The following HPSE2 variants were observed in gnomAD, a reference collection of about 807,000 sequenced individuals.
HPSE2 encodes the protein inactive heparanase-2.
A neutral mutation model predicts 60.5 loss-of-function variants in HPSE2; 38 were observed. That is an observed-to-expected ratio of 0.63 (90% CI 0.48 to 0.82). The LOEUF (loss-of-function observed/expected upper bound fraction) is 0.82, where lower values mean the gene tolerates loss of function less well. Ranked by LOEUF, HPSE2 falls within the 40% of genes least tolerant of loss-of-function variation. The pLI is 0.00. For synonymous variants in HPSE2, 295 were observed against 293.2 expected, an observed-to-expected ratio of 1.01 and a Z score of -0.06; for missense variants, 713 against 740.4, an observed-to-expected ratio of 0.96 and a Z score of 0.43.
At chr10:99,203,391 G>A (rs12356214) in intron 2 of HPSE2, among the ~76,000 whole-genome samples, 74,927 of 151,814 alleles carry the variant, frequency 0.49, 21,661 homozygotes, top group Non-Finnish European at 0.64. Context: ...GCCAGTCCCT[G>A]TGGTCTCAGA....
chr10:98,660,382 T>C lies in HPSE2; in HGVS notation c.1005-18442A>G, dbSNP rs527770047. On this transcript the variant is annotated intron_variant, in intron 6 of 11. Coordinates refer to ENST00000370552, the MANE Select transcript of HPSE2 (RefSeq NM_021828.5). ...ATGATCATAAAGGTCTTCTCACTTATAGATGTAGAAACCCAGAGAGGTGAA... is the reference window on the plus strand; with the variant it reads ...ATGATCATAAAGGTCTTCTCACTTACAGATGTAGAAACCCAGAGAGGTGAA... 2.4e-4 allele frequency among the ~76,000 whole-genome samples: 37 copies of C among 152,368 alleles called. No homozygotes were observed. The South Asian group carries it at 6.8e-3, about 28-fold the overall frequency.
At chr10:99,173,159 AGGTTCT>A (rs1847383223) in intron 2 of HPSE2, among the ~76,000 whole-genome samples, 1 of 152,174 alleles carries the variant, frequency 6.6e-6, no homozygotes, top group South Asian at 2.1e-4. Context: ...TTTATACTGC[AGGTTCT>A]GGAGAGATGT....
the HPSE2 span, among the ~76,000 whole-genome samples, chr10:99,245,159 T>A: frequency 6.6e-6 from 1 of 152,088 alleles, no homozygotes; most frequent in Non-Finnish European, 1.5e-5. Flanking sequence ...AATAGTCTTT[T>A]CCCCTTTCAA....
At chr10:99,066,868 C>T (rs1037214575) in intron 3 of HPSE2, among the ~76,000 whole-genome samples, 1 of 152,080 alleles carries the variant, frequency 6.6e-6, no homozygotes, top group African/African-American at 2.4e-5. Flanking sequence ...TCAGCATTAA[C>T]TTAAAAGTCC....
At chr10:99,094,538 ATATTTTTT>A (rs1843644989) in intron 3 of HPSE2, among the ~76,000 whole-genome samples, 1 of 22,736 alleles carries the variant, frequency 4.4e-5, no homozygotes, top group African/African-American at 1.3e-4. Flanking sequence ...ATATATATAT[ATATTTTTT>A]TTTTTTTTTT....
intron 3 of HPSE2, among the ~76,000 whole-genome samples, chr10:99,094,425 T>C (rs1345493391): frequency 1.3e-5 from 2 of 148,848 alleles, no homozygotes. Context: ...ATCCAATTCA[T>C]ACTTTTGATG....
chr10:99,196,342 T>G (rs1028137365), intron 2 of HPSE2, among the ~76,000 whole-genome samples: 1 of 151,756 alleles, frequency 6.6e-6, no homozygotes, highest in African/African-American at 2.4e-5. Context: ...GTAACCAAAG[T>G]GAAAATGAAT....
intron 2 of HPSE2, among the ~76,000 whole-genome samples, chr10:99,199,138 G>C (rs1180525183): frequency 6.6e-6 from 1 of 152,074 alleles, no homozygotes; most frequent in African/African-American, 2.4e-5. Flanking sequence ...GAATATTGTT[G>C]CAAGGAACAT....
the HPSE2 span, among the ~76,000 whole-genome samples, chr10:99,307,173 G>C: frequency 2.0e-5 from 3 of 152,178 alleles, no homozygotes; most frequent in African/African-American, 7.2e-5. Context: ...ACTGACTCCT[G>C]TTTGAAATTT....
At chr10:98,670,787 CCT>C (rs1947486262) in intron 6 of HPSE2, among the ~76,000 whole-genome samples, 1 of 152,204 alleles carries the variant, frequency 6.6e-6, no homozygotes, top group East Asian at 1.9e-4. Context: ...GCATGAAACC[CCT>C]GTTACATATC....
At chr10:98,841,960 C>T (rs1951924701) in intron 3 of HPSE2, among the ~76,000 whole-genome samples, 1 of 152,102 alleles carries the variant, frequency 6.6e-6, no homozygotes, top group African/African-American at 2.4e-5. Context: ...GCGTGTGCCA[C>T]CACGCCCAGC....
intron 9 of HPSE2, among the ~76,000 whole-genome samples, chr10:98,506,252 T>C (rs949680920): frequency 1.1e-4 from 17 of 152,232 alleles, no homozygotes; most frequent in Non-Finnish European, 2.2e-4. Flanking sequence ...AGATCTTTTA[T>C]AATGAAAATA....
chr10:99,122,018 T>A (rs1844973469), intron 3 of HPSE2, among the ~76,000 whole-genome samples: 1 of 152,106 alleles, frequency 6.6e-6, no homozygotes, highest in South Asian at 2.1e-4. Context: ...GGTAACAAGA[T>A]AACAGGCACA....
intron 3 of HPSE2, among the ~76,000 whole-genome samples, chr10:98,979,174 G>A (rs1452332453): frequency 6.6e-6 from 1 of 152,044 alleles, no homozygotes; most frequent in Non-Finnish European, 1.5e-5. Context: ...ACCTCCTTCA[G>A]GCACCAGCTA....
chr10:98,508,407 C>A (rs960293093), intron 9 of HPSE2, among the ~76,000 whole-genome samples: 3 of 152,162 alleles, frequency 2.0e-5, no homozygotes, highest in Admixed American at 2.0e-4. Context: ...ATGTGTTCCC[C>A]GAGGTCTAAG....
intron 9 of HPSE2, among the ~76,000 whole-genome samples, chr10:98,611,880 G>A (rs1945771652): frequency 6.6e-6 from 1 of 152,168 alleles, no homozygotes; most frequent in Non-Finnish European, 1.5e-5. Flanking sequence ...GAGTCTTTGT[G>A]CTGAATCAGT....
intron 3 of HPSE2, among the ~76,000 whole-genome samples, chr10:99,073,923 T>C (rs1038052131): frequency 6.6e-6 from 1 of 150,518 alleles, no homozygotes; most frequent in Non-Finnish European, 1.5e-5. Context: ...ACTCAATCCA[T>C]TTATTAGTTC....
intron 3 of HPSE2, among the ~76,000 whole-genome samples, chr10:98,746,504 C>A (rs1275224320): frequency 1.3e-5 from 2 of 151,798 alleles, no homozygotes; most frequent in African/African-American, 4.8e-5. Context: ...ACAAACCTAC[C>A]CTTAGAAAAA....
chr10:98,848,861 T>C (rs1952097566), intron 3 of HPSE2, among the ~76,000 whole-genome samples: 1 of 152,174 alleles, frequency 6.6e-6, no homozygotes, highest in Non-Finnish European at 1.5e-5. Flanking sequence ...CTTCTGTCCT[T>C]ACCCTTGCTG....
Sources: gnomAD v4.1 joint callset for allele counts (sites outside exome capture counted in the v4.1 genomes callset) on GRCh38, gnomAD v4.1.1 for gene constraint, MANE v1.5 for transcripts, NCBI Gene and HGNC (gene_info 2026-07-23, HGNC 2026-07-21) for gene names.